The following LARP1B variants were observed in gnomAD, a reference collection of about 807,000 sequenced individuals.
LARP1B encodes La ribonucleoprotein 1B.
LARP1B carries 76 observed loss-of-function variants against 114.2 expected under a neutral mutation model. The observed-to-expected ratio is 0.67, with a 90% CI of 0.55 to 0.81. The LOEUF (loss-of-function observed/expected upper bound fraction) is 0.81, where lower values mean the gene tolerates loss of function less well. Among genes scored for constraint, LARP1B ranks in the 30% least tolerant of loss-of-function variants. The pLI, the probability that LARP1B is intolerant of heterozygous loss-of-function variation, is 0.00. For missense variants in LARP1B, 1,014 were observed against 1,075.8 expected, an observed-to-expected ratio of 0.94 and a Z score of 0.80; for synonymous variants, 345 against 348.0, an observed-to-expected ratio of 0.99 and a Z score of 0.10.
intron 2 of LARP1B, 41 bp from the exon 3 acceptor site, chr4:128,074,893 A>G (rs1767187777): frequency 2.2e-6 from 3 of 1,367,020 alleles, no homozygotes; most frequent in Non-Finnish European, 3.1e-6. Flanking sequence ...TAAAATTTCT[A>G]AAAGTAATTT....
chr4:128,075,231 A>G (rs1212136902), intron 3 of LARP1B, among the ~76,000 whole-genome samples: 1 of 151,846 alleles, frequency 6.6e-6, no homozygotes, highest in East Asian at 1.9e-4. Flanking sequence ...CCTCCAGAGT[A>G]GCTGGGACTA....
Position 128,200,518 on chromosome 4 carries a change from C to T in LARP1B, c.2165-3C>T. ...AAATAATATTTTATTTAACTTTTTTCAGAGAGAAAACGCTTGGGAATTGGT... is the reference window on the plus strand; with the variant it reads ...AAATAATATTTTATTTAACTTTTTTTAGAGAGAAAACGCTTGGGAATTGGT... On this transcript the variant is annotated splice_region_variant and splice_polypyrimidine_tract_variant and intron_variant, in intron 16 of 19. Transcript: ENST00000326639. 1 of 1,430,216 alleles carries T rather than the reference C, an allele frequency of 7.0e-7. No individual in the cohort carries two copies. 88.6% of individuals were successfully genotyped at this position (1,430,216 alleles called of 1,614,324 possible).
intron 11 of LARP1B, among the ~76,000 whole-genome samples, chr4:128,150,786 G>C (rs1316014336): frequency 1.3e-5 from 2 of 152,116 alleles, no homozygotes; most frequent in African/African-American, 4.8e-5. Context: ...CCTTACTGCT[G>C]ACCACCTTGG....
chr4:128,188,661 C>T (rs965682749), intron 15 of LARP1B, among the ~76,000 whole-genome samples: 2 of 152,134 alleles, frequency 1.3e-5, no homozygotes, highest in Admixed American at 1.3e-4. Context: ...CTTAGTACTG[C>T]TATGCTGTAT....
chr4:128,137,310 G>A lies in LARP1B; in HGVS notation c.1524+15122G>A, dbSNP rs563143314. On this transcript the variant is annotated intron_variant, in intron 11 of 19. Coordinates refer to ENST00000326639, the MANE Select transcript of LARP1B (RefSeq NM_018078.4). ...TCATTCATGTTACCTGATATTGGCTGTGGGTCAGCTATTACAGCTCTGTAT... is the reference window on the plus strand; with the variant it reads ...TCATTCATGTTACCTGATATTGGCTATGGGTCAGCTATTACAGCTCTGTAT... 3.9e-5 allele frequency among the ~76,000 whole-genome samples: 6 copies of A among 152,286 alleles called. No homozygotes were observed. The South Asian group carries it at 1.0e-3, about 26-fold the overall frequency.
intron 7 of LARP1B, among the ~76,000 whole-genome samples, chr4:128,096,492 A>C (rs533782019): frequency 2.0e-5 from 3 of 152,288 alleles, no homozygotes; most frequent in African/African-American, 7.2e-5. Flanking sequence ...TGTGTTTTTC[A>C]AGAGAAGATA....
chr4:128,136,502 G>A lies in LARP1B; in HGVS notation c.1524+14314G>A, dbSNP rs560059182. ...CAAATTCAATGTATTTAATATTAAA[G>A]CTTCAAATATATGAAACAAAAGTTG... is the stretch of plus-strand genomic sequence containing the variant. On this transcript the variant is annotated intron_variant, in intron 11 of 19. Coordinates refer to ENST00000326639, the MANE Select transcript of LARP1B (RefSeq NM_018078.4). 2.6e-5 allele frequency among the ~76,000 whole-genome samples: 4 copies of A among 152,164 alleles called. No homozygotes were observed. The South Asian group carries it at 8.3e-4, about 32-fold the overall frequency.
At chr4:128,115,360 C>T (rs774313442) in intron 10 of LARP1B, among the ~76,000 whole-genome samples, 6 of 152,124 alleles carry the variant, frequency 3.9e-5, no homozygotes, top group African/African-American at 4.8e-5. Flanking sequence ...CGCAGGAGTT[C>T]GGGGCCCCCT....
intron 7 of LARP1B, among the ~76,000 whole-genome samples, chr4:128,094,607 A>C (rs1270113216): frequency 6.6e-6 from 1 of 151,356 alleles, no homozygotes; most frequent in Non-Finnish European, 1.5e-5. Context: ...GGGTTTTGCC[A>C]TGTTGCCCCA....
At chr4:128,213,864 G>A (rs1345047381), downstream of LARP1B, among the ~76,000 whole-genome samples, 2 of 152,070 alleles carry the variant, frequency 1.3e-5, no homozygotes, top group African/African-American at 4.8e-5. Flanking sequence ...CAGAAGACGG[G>A]TGATTTCTGC....
intron 1 of LARP1B, among the ~76,000 whole-genome samples, chr4:128,071,758 C>T (rs980634922): frequency 1.4e-5 from 2 of 147,432 alleles, no homozygotes; most frequent in African/African-American, 5.0e-5. Context: ...ATTTTTACCA[C>T]ATTTTCCCTT....
chr4:128,154,427 C>A (rs187686291), intron 11 of LARP1B, among the ~76,000 whole-genome samples: 74 of 152,262 alleles, frequency 4.9e-4, no homozygotes, highest in African/African-American at 1.7e-3. Context: ...TGGTTCCTCA[C>A]CCCCTTCAGG....
intron 7 of LARP1B, among the ~76,000 whole-genome samples, chr4:128,095,515 A>T (rs1777597972): frequency 1.3e-5 from 2 of 151,484 alleles, no homozygotes; most frequent in South Asian, 4.2e-4. Flanking sequence ...AAAAAAAGTA[A>T]ATGATTTACT....
At chr4:128,096,235 C>T (rs1489979282) in intron 7 of LARP1B, among the ~76,000 whole-genome samples, 3 of 151,902 alleles carry the variant, frequency 2.0e-5, no homozygotes, top group South Asian at 2.1e-4. Flanking sequence ...CCTCGTGATC[C>T]GCCCGCCTCG....
intron 1 of LARP1B, among the ~76,000 whole-genome samples, chr4:128,065,262 T>C (rs1350052808): frequency 1.4e-5 from 1 of 69,080 alleles, no homozygotes; most frequent in African/African-American, 4.6e-5. Context: ...AATTTCTTTC[T>C]TTCTTTCTTT....
At chr4:128,091,180 A>C (rs1775784947) in intron 6 of LARP1B, 36 bp downstream of exon 6, 8 of 1,597,514 alleles carry the variant, frequency 5.0e-6, no homozygotes, top group Non-Finnish European at 6.8e-6. Context: ...AATTAGATAA[A>C]CTTTGAAAAA....
chr4:128,203,540 A>G (rs1223209545), intron 17 of LARP1B, among the ~76,000 whole-genome samples: 1 of 151,820 alleles, frequency 6.6e-6, no homozygotes, highest in East Asian at 1.9e-4. Context: ...CACCCGGCTA[A>G]TTTTTGTATT....
intron 17 of LARP1B, among the ~76,000 whole-genome samples, chr4:128,204,515 C>T (rs1487748409): frequency 4.0e-5 from 6 of 151,752 alleles, no homozygotes; most frequent in South Asian, 2.1e-4. Flanking sequence ...ATTAGCCAGA[C>T]GTGGTGGCAG....
chr4:128,212,985 C>T (rs995696747), downstream of LARP1B, among the ~76,000 whole-genome samples: 2 of 128,666 alleles, frequency 1.6e-5, no homozygotes, highest in South Asian at 2.6e-4. Flanking sequence ...ATGACGCGAT[C>T]TCGTCTCACT....
Sources: gnomAD v4.1 joint callset for allele counts (sites outside exome capture counted in the v4.1 genomes callset) on GRCh38, gnomAD v4.1.1 for gene constraint, MANE v1.5 for transcripts, NCBI Gene and HGNC (gene_info 2026-07-23, HGNC 2026-07-21) for gene names.